The following ROBO2 variants were observed in gnomAD, a reference collection of about 807,000 sequenced individuals.
The protein encoded by ROBO2 is roundabout guidance receptor 2.
Under a neutral mutation model 160.8 loss-of-function variants are expected in ROBO2, and 53 were observed. The ratio of observed to expected loss-of-function variants is 0.33; its 90% CI spans 0.26 to 0.41. ROBO2 has a LOEUF of 0.41. ROBO2 is among the 10% of genes least tolerant of loss of function. ROBO2 has a pLI of 1.00. For synonymous variants in ROBO2, 664 were observed against 611.7 expected (o/e 1.09, Z -1.26); for missense variants, 1,577 against 1,722.4 (o/e 0.92, Z 1.49).
intron 2 of ROBO2, among the ~76,000 whole-genome samples, chr3:76,024,632 TAG>T (rs1407665688): frequency 1.3e-5 from 2 of 151,646 alleles, no homozygotes; most frequent in Non-Finnish European, 3.0e-5. Flanking sequence ...AAAAATTACA[TAG>T]ATTCTATTTT....
At chr3:77,066,775 G>A (rs1401059404) in intron 1 of ROBO2, among the ~76,000 whole-genome samples, 2 of 151,994 alleles carry the variant, frequency 1.3e-5, no homozygotes, top group Non-Finnish European at 2.9e-5. Flanking sequence ...ATTGTTTAGT[G>A]TTATGTATTG....
At position 77,439,524 on chromosome 3, in the gene ROBO2, C is replaced by G. The variant is rs182961681; in HGVS notation, c.389-37890C>G. On this transcript the variant is annotated intron_variant, in intron 2 of 25. Transcript: ENST00000461745. ...CTGCATTTTTCTCTTCTCTTATTCT[C>G]TGGCATTTGCTGAAATAAATACTTA... Among the ~76,000 whole-genome samples, 333 of 152,196 alleles carry G rather than the reference C, an allele frequency of 2.2e-3. 1 individual carries two copies. The highest frequency in any genetic ancestry group is 7.7e-3 in the African/African-American group (321 of 41,548).
At chr3:77,545,186 T>A (rs1371325512) in intron 6 of ROBO2, among the ~76,000 whole-genome samples, 1 of 152,072 alleles carries the variant, frequency 6.6e-6, no homozygotes, top group African/African-American at 2.4e-5. Flanking sequence ...CTGTCACTTT[T>A]CAGCTTAGAA....
intron 2 of ROBO2, among the ~76,000 whole-genome samples, chr3:77,373,132 A>G (rs2072043575): frequency 6.8e-6 from 1 of 147,220 alleles, no homozygotes; most frequent in Non-Finnish European, 1.5e-5. Context: ...AAGTTATAAA[A>G]TTATTATAAA....
intron 2 of ROBO2, among the ~76,000 whole-genome samples, chr3:76,580,340 GTGT>G (rs2085600866): frequency 7.3e-5 from 3 of 40,892 alleles, no homozygotes; most frequent in Admixed American, 2.7e-4. Flanking sequence ...TTTTTTTTTT[GTGT>G]TTTTTTTTTT....
At chr3:76,698,324 T>TA (rs1333118073) in intron 2 of ROBO2, among the ~76,000 whole-genome samples, 2 of 152,194 alleles carry the variant, frequency 1.3e-5, no homozygotes, top group African/African-American at 4.8e-5. Context: ...GTTAATGACT[T>TA]ACTGTGGCTC....
chr3:77,150,244 G>A (rs116650163), intron 2 of ROBO2, among the ~76,000 whole-genome samples: 2,005 of 152,218 alleles, frequency 0.013, 66 homozygotes, highest in African/African-American at 0.045. Context: ...TGGAGATGAC[G>A]GATGTGACAG....
chr3:76,284,573 T>G (rs1369404229), intron 2 of ROBO2, among the ~76,000 whole-genome samples: 1 of 152,170 alleles, frequency 6.6e-6, no homozygotes, highest in Non-Finnish European at 1.5e-5. Context: ...GCAGCTTCTC[T>G]CAGTGTGCAA....
chr3:77,097,498 T>C (rs1361493303), intron 1 of ROBO2, among the ~76,000 whole-genome samples: 1 of 152,174 alleles, frequency 6.6e-6, no homozygotes, highest in African/African-American at 2.4e-5. Context: ...TCTACATTTC[T>C]GGGCAACTGA....
intron 2 of ROBO2, among the ~76,000 whole-genome samples, chr3:77,179,717 A>G (rs2080514434): frequency 1.3e-5 from 2 of 152,130 alleles, no homozygotes; most frequent in Admixed American, 1.3e-4. Flanking sequence ...AATTGTAATT[A>G]TTTTCCACCA....
chr3:76,285,433 G>C (rs1332765759), intron 2 of ROBO2, among the ~76,000 whole-genome samples: 3 of 151,932 alleles, frequency 2.0e-5, no homozygotes, highest in Non-Finnish European at 2.9e-5. Flanking sequence ...ACTCTTGATT[G>C]CCAGCAGAAT....
At chr3:76,833,694 C>G (rs1056545270) in intron 2 of ROBO2, among the ~76,000 whole-genome samples, 10 of 152,154 alleles carry the variant, frequency 6.6e-5, no homozygotes, top group East Asian at 1.9e-4. Flanking sequence ...CTTTTTCTCA[C>G]TGTCCAATCC....
At chr3:76,954,757 CA>C (rs1269279442) in intron 2 of ROBO2, among the ~76,000 whole-genome samples, 3 of 151,998 alleles carry the variant, frequency 2.0e-5, no homozygotes, top group Non-Finnish European at 4.4e-5. Flanking sequence ...CTTTAAAATC[CA>C]AGAAGGTAGT....
chr3:77,602,339 C>T, exon 20 of ROBO2: 1 of 1,614,118 alleles, frequency 6.2e-7, no homozygotes, highest in Non-Finnish European at 8.5e-7. Context: ...ACACAGGCTA[C>T]CCCATATGCC....
chr3:76,590,195 T>G (rs1460040739), intron 2 of ROBO2, among the ~76,000 whole-genome samples: 1 of 152,182 alleles, frequency 6.6e-6, no homozygotes, highest in Non-Finnish European at 1.5e-5. Flanking sequence ...ACTCAAACTT[T>G]AGATAAAAGT....
Position 76,808,106 on chromosome 3 carries a change from A to T in ROBO2, c.110-289908A>T, listed in dbSNP as rs185945223. ...ATGTACTTGAAGGAGACTTCAAAGG[A>T]TATGATGAATATATAATATTACTTA... On this transcript the variant is annotated intron_variant, in intron 2 of 26. Transcript: ENST00000487694. Among the ~76,000 whole-genome samples, 896 of 152,262 alleles carry T rather than the reference A, an allele frequency of 5.9e-3. 3 individuals are homozygous for T. Among genetic ancestry groups the T allele is most frequent in the Non-Finnish European group, 9.5e-3 (643 of 67,984 alleles).
rs182329128 is a variant in ROBO2, at chr3:76,517,649, C to T, written c.109+580047C>T. ...CATTTTATGATTCCAGAACTTGATA[C>T]AGTTGCTATTGCTATTCCTGTTTTA... On this transcript the variant is annotated intron_variant, in intron 2 of 26. Coordinates refer to the ROBO2 transcript ENST00000487694. Among the ~76,000 whole-genome samples, 589 of 152,248 alleles carry T rather than the reference C, an allele frequency of 3.9e-3. 3 individuals are homozygous for T. Among genetic ancestry groups the T allele is most frequent in the African/African-American group, 0.014 (566 of 41,552 alleles).
intron 2 of ROBO2, among the ~76,000 whole-genome samples, chr3:76,453,724 A>C (rs367872246): frequency 2.0e-5 from 3 of 152,146 alleles, no homozygotes; most frequent in Non-Finnish European, 2.9e-5. Flanking sequence ...TGGGCATGCA[A>C]TTAGGCACCT....
At chr3:76,129,585 C>G (rs368665947) in intron 2 of ROBO2, among the ~76,000 whole-genome samples, 1 of 152,100 alleles carries the variant, frequency 6.6e-6, no homozygotes, top group Non-Finnish European at 1.5e-5. Context: ...CTTATTAGTC[C>G]CATTCGAAAA....
Sources: allele counts gnomAD v4.1 joint callset (sites outside exome capture counted in the v4.1 genomes callset), GRCh38; gene constraint gnomAD v4.1.1; transcripts MANE v1.5; gene names NCBI Gene and HGNC (gene_info 2026-07-23, HGNC 2026-07-21).